Variants in RPL18 observed in about 807,000 individuals in gnomAD.
The protein encoded by RPL18 is ribosomal protein L18, also known as large ribosomal subunit protein eL18.
In RPL18, 4 loss-of-function variants were observed where a neutral mutation model predicts 25.0. That is an observed-to-expected ratio of 0.16 (90% CI 0.08 to 0.37). RPL18 has a LOEUF of 0.37. Among genes scored for constraint, RPL18 ranks in the 10% least tolerant of loss-of-function variants. RPL18 has a pLI of 1.00. For synonymous variants in RPL18, 129 were observed against 101.6 expected (o/e 1.27, Z -1.62); for missense variants, 179 against 267.9 (o/e 0.67, Z 2.32).
Position 48,617,891 on chromosome 19 carries a change from G to C in RPL18, c.4-14C>G. 7 of 1,604,710 alleles carry C rather than the reference G, an allele frequency of 4.4e-6. No homozygotes were observed. The highest frequency in any genetic ancestry group is 6.0e-6 in the Non-Finnish European group (7 of 1,171,488). On this transcript the variant is annotated splice_polypyrimidine_tract_variant and intron_variant, in intron 1 of 6. Transcript: ENST00000549920. ...GATGTCCACTCCCTGTGGGGGTGAA[G>C]AGGCAACCATGGACCCAATTACCCC...
At chr19:48,616,995 T>TAA (rs11382518) in intron 3 of RPL18, 171 bp from the exon 4 acceptor site, 89 of 593,306 alleles carry the variant, frequency 1.5e-4, no homozygotes, top group Admixed American at 4.5e-4. Flanking sequence ...AAGCTCCAGA[T>TAA]AAAAAAAAAA....
chr19:48,616,367 G>T (rs747740107), intron 4 of RPL18, 165 bp from the exon 5 acceptor site: 3 of 793,364 alleles, frequency 3.8e-6, no homozygotes, highest in Non-Finnish European at 5.9e-6. Context: ...AACACTTCCG[G>T]AACTTTCACC....
chr19:48,616,313 TCGTTTACTAC>T lies in RPL18; in HGVS notation c.298-121_298-112del. On this transcript the variant is annotated intron_variant, in intron 4 of 6. Coordinates refer to ENST00000549920, the MANE Select transcript of RPL18 (RefSeq NM_000979.4). The stretch of plus-strand genomic sequence containing the variant: ...AGCAGAGCCCTGGTAACCAACACTA[TCGTTTACTAC>T]CCGGAGCACCCTGGGCTGACAGCAG... The T allele has an allele frequency of 2.2e-6, 3 of 1,393,864 alleles. No homozygotes were observed. In the South Asian group the frequency reaches 3.8e-5, roughly 18 times the overall value. The allele number at this position is 1,393,864 out of a possible 1,614,324, so 86.3% of individuals were successfully genotyped here.
At chr19:48,616,366 G>A (rs867106405) in intron 4 of RPL18, 164 bp from the exon 5 acceptor site, 58 of 806,802 alleles carry the variant, frequency 7.2e-5, no homozygotes, top group Non-Finnish European at 9.3e-5. Context: ...CAACACTTCC[G>A]GAACTTTCAC....
intron 3 of RPL18, 68 bp downstream of exon 3, chr19:48,617,248 C>T: frequency 8.1e-7 from 1 of 1,232,044 alleles, no homozygotes. Flanking sequence ...CCAAGTCCTG[C>T]CTCCCTTCCA....
chr19:48,617,524 T>C (rs1348720277), intron 2 of RPL18, 101 bp from the exon 3 acceptor site: 1 of 932,038 alleles, frequency 1.1e-6, no homozygotes, highest in East Asian at 2.4e-5. Flanking sequence ...AAATAATCTT[T>C]ATCCCTTTCC....
Position 48,616,923 on chromosome 19 carries a change from G to T in RPL18, c.199-99C>A, listed in dbSNP as rs911314289. ...CCAGGGCAGCTGTGCCCTCTAACGG[G>T]ACCCCCCACTCACACCACACCCCTT... On this transcript the variant is annotated intron_variant, in intron 3 of 6. Coordinates refer to ENST00000549920, the MANE Select transcript of RPL18 (RefSeq NM_000979.4). The T allele has an allele frequency of 1.9e-5, 16 of 861,120 alleles. No homozygotes were observed. The Admixed American group carries it at 2.5e-4, about 14-fold the overall frequency. The allele number at this position is 861,120 out of a possible 1,614,324, so 53.3% of individuals were successfully genotyped here.
In RPL18 at chr19:48,615,366, C is replaced by A. The variant is rs769684666; in HGVS notation, c.*6G>T. On this transcript the variant is annotated 3_prime_UTR_variant, in exon 7 of 7. Coordinates refer to ENST00000549920, the MANE Select transcript of RPL18 (RefSeq NM_000979.4). ...AATCTTTTTAATAAGAGAGTAGGAT[C>A]CAGGGTTAGTTTTTGTAGCCTCGGC... is the stretch of plus-strand genomic sequence containing the variant. 6.2e-7 allele frequency: 1 copy of A among 1,607,304 alleles called. No individual in the cohort carries two copies. Among genetic ancestry groups the A allele is most frequent in the Non-Finnish European group, 8.5e-7 (1 of 1,175,966 alleles).
At chr19:48,618,880 C>G in intron 1 of RPL18, 1 of 543,066 alleles carries the variant, frequency 1.8e-6, no homozygotes, top group Non-Finnish European at 3.3e-6. Context: ...GGTCGGAATC[C>G]TGGCTCTGCC....
intron 2 of RPL18, 179 bp from the exon 3 acceptor site, chr19:48,617,602 T>C (rs1018540362): frequency 1.0e-5 from 7 of 683,610 alleles, no homozygotes; most frequent in African/African-American, 7.3e-5. Flanking sequence ...TAGAAAATCC[T>C]GGCTCCACTC....
Position 48,616,458 on chromosome 19 carries a change from T to C in RPL18, c.298-256A>G. ...GACCTGTGCAGAGGTGACAAAGGAG[T>C]CTAGACTTGAGCCCAGGCTGTCTGG... On this transcript the variant is annotated intron_variant, in intron 4 of 6. Transcript: ENST00000549920. 4.5e-6 allele frequency: 3 copies of C among 664,750 alleles called. No individual in the cohort carries two copies. In the South Asian group the frequency reaches 5.1e-5, roughly 11 times the overall value. 41.2% of individuals were successfully genotyped at this position (664,750 alleles called of 1,614,324 possible).
intron 3 of RPL18, 163 bp from the exon 4 acceptor site, chr19:48,616,987 G>A (rs1401034044): frequency 4.3e-6 from 3 of 705,388 alleles, no homozygotes; most frequent in Admixed American, 4.1e-5. Flanking sequence ...GCTGGGGAAA[G>A]CTCCAGATAA....
At chr19:48,615,536 A>G in intron 6 of RPL18, 89 bp from the exon 7 acceptor site, 3 of 1,009,252 alleles carry the variant, frequency 3.0e-6, no homozygotes, top group Non-Finnish European at 3.0e-6. Context: ...TGTCACATTC[A>G]GCCCCAGGAG....
chr19:48,617,845 C>G lies in RPL18; in HGVS notation c.36G>C (p.Lys12Asn). Residue 12 changes from lysine (K) to asparagine (N), a missense_variant, in exon 2 of 7, where the codon AAG (lysine) becomes AAC (asparagine). Transcript: ENST00000549920. ...GVDIRHNKDRKVRRKEPKSQD... is the reference protein window; with the variant it reads ...GVDIRHNKDRNVRRKEPKSQD... ...GGCTCTTGGGCTCCTTGCGCCGAAC[C>G]TTTCGGTCCTTGTTATGGCGGATGT... 6.2e-7 allele frequency: 1 copy of G among 1,614,186 alleles called. No individual in the cohort carries two copies. The highest frequency in any genetic ancestry group is 8.5e-7 in the Non-Finnish European group (1 of 1,180,010).
In RPL18 at chr19:48,619,173, A is replaced by G; in HGVS notation, c.-30T>C. The stretch of plus-strand genomic sequence containing the variant: ...GCGCCTCCTGCTCGGCCAGGTCCGG[A>G]AAGAGAGAACGGGCTGGGGTGGGCG... On this transcript the variant is annotated 5_prime_UTR_variant, in exon 1 of 7. Coordinates refer to ENST00000549920, the MANE Select transcript of RPL18 (RefSeq NM_000979.4). The G allele has an allele frequency of 2.5e-6, 4 of 1,584,832 alleles. No individual in the cohort carries two copies. Among genetic ancestry groups the G allele is most frequent in the Non-Finnish European group, 3.4e-6 (4 of 1,164,974 alleles).
chr19:48,616,043 A>G, intron 5 of RPL18, 36 bp downstream of exon 5: 1 of 1,613,942 alleles, frequency 6.2e-7, no homozygotes, highest in Non-Finnish European at 8.5e-7. Flanking sequence ...GTAGCCACAC[A>G]GCTCAGTCCA....
intron 1 of RPL18, 48 bp from the exon 2 acceptor site, chr19:48,617,925 G>A (rs1974232408): frequency 2.9e-6 from 4 of 1,366,156 alleles, no homozygotes; most frequent in Non-Finnish European, 3.1e-6. Context: ...CCCAACCATA[G>A]CCAATTATTA....
At position 48,619,133 on chromosome 19, in the gene RPL18, G is replaced by A. The variant is rs1401525057; in HGVS notation, c.3+8C>T. On this transcript the variant is annotated splice_region_variant and intron_variant, in intron 1 of 6. Transcript: ENST00000549920. ...TATCCAGCCCCGAACGCCGCAAAGC[G>A]AGCTCACCATGATGGCGCCTCCTGC... The A allele has an allele frequency of 3.8e-6, 6 of 1,566,852 alleles. No homozygotes were observed. The African/African-American group carries it at 8.1e-5, about 21-fold the overall frequency.
chr19:48,617,613 C>A (rs545548507), intron 2 of RPL18, 178 bp downstream of exon 2: 18 of 684,156 alleles, frequency 2.6e-5, no homozygotes, highest in Non-Finnish European at 4.5e-5. Context: ...GGCTCCACTC[C>A]CGAGCTGTAC....
Sources: allele counts gnomAD v4.1 joint callset, GRCh38; gene constraint gnomAD v4.1.1; transcripts MANE v1.5; gene names NCBI Gene and HGNC (gene_info 2026-07-23, HGNC 2026-07-21).